The following HPR variants were observed in gnomAD, a reference collection of about 807,000 sequenced individuals.
HPR encodes Haptoglobin-related locus.
A neutral mutation model predicts 18.5 loss-of-function variants in HPR; 17 were observed. The observed-to-expected ratio is 0.92, with a 90% CI of 0.63 to 1.38. The LOEUF (loss-of-function observed/expected upper bound fraction) is 1.38, where lower values mean the gene tolerates loss of function less well. HPR is among the 40% of genes most tolerant of loss of function. The pLI is 0.00. For synonymous variants in HPR, 176 were observed against 165.0 expected (o/e 1.07, Z -0.51); for missense variants, 457 against 432.4 (o/e 1.06, Z -0.51).
intron 1 of HPR, among the ~76,000 whole-genome samples, chr16:72,064,161 C>T (rs2041573269): frequency 6.6e-6 from 1 of 152,184 alleles, no homozygotes; most frequent in South Asian, 2.1e-4. Flanking sequence ...TTTCAGACAC[C>T]AGTTCTCTTC....
Position 72,076,883 on chromosome 16 carries a change from C to A in HPR, c.849C>A (p.Val283=). The change falls in exon 5 of 5, where the codon GTC becomes GTA. Residue 283 remains valine, a synonymous_variant. Transcript: ENST00000540303. Reference sequence around the variant, plus strand: ...TACTGAACGAACACACCTTCTGTGTCGGCATGTCTAAGTACCAGGAAGACA... The same window carrying A: ...TACTGAACGAACACACCTTCTGTGTAGGCATGTCTAAGTACCAGGAAGACA... The part of the protein sequence containing the change: ...QPILNEHTFC[V]GMSKYQEDTC... 1 of 1,614,172 alleles carries A rather than the reference C, an allele frequency of 6.2e-7. No homozygotes were observed. The highest frequency in any genetic ancestry group is 1.1e-5 in the South Asian group (1 of 91,070).
In HPR at chr16:72,077,148, G is replaced by A; in HGVS notation, c.*67G>A. ...AGCCTGGAAGAGGGCAAAGTGGACG[G>A]GAGTGGACAGGAGTGGATGCGATAA... On this transcript the variant is annotated 3_prime_UTR_variant, in exon 5 of 5. Transcript: ENST00000540303. The A allele has an allele frequency of 6.8e-7, 1 of 1,463,458 alleles. No individual in the cohort carries two copies. Among genetic ancestry groups the A allele is most frequent in the Non-Finnish European group, 9.3e-7 (1 of 1,075,086 alleles). The allele number at this position is 1,463,458 out of a possible 1,614,324, so 90.7% of individuals were successfully genotyped here. A position where few individuals can be genotyped will look rare whatever the true frequency, so the allele number is the denominator to read the frequency against.
In HPR at chr16:72,076,977, G is replaced by T; in HGVS notation, c.943G>T (p.Gly315Trp). ...GGAGGAGGACACCTGGTACGCGGCTGGGATCCTAAGCTTTGATAAGAGCTG... is the reference window on the plus strand; with the variant it reads ...GGAGGAGGACACCTGGTACGCGGCTTGGATCCTAAGCTTTGATAAGAGCTG... ...DLEEDTWYAAGILSFDKSCAV... is the reference protein window; with the variant it reads ...DLEEDTWYAAWILSFDKSCAV... The change falls in exon 5 of 5, where the codon GGG (glycine) becomes TGG (tryptophan). Residue 315 changes from glycine (G) to tryptophan (W), a missense_variant. Gly to Trp is a radical substitution (Grantham distance 184). Transcript: ENST00000540303. 6.2e-7 allele frequency: 1 copy of T among 1,614,200 alleles called. No individual in the cohort carries two copies. The highest frequency in any genetic ancestry group is 8.5e-7 in the Non-Finnish European group (1 of 1,180,040).
At chr16:72,074,134 C>A in intron 2 of HPR, 150 bp from the exon 3 acceptor site, 2 of 1,245,050 alleles carry the variant, frequency 1.6e-6, no homozygotes, top group Admixed American at 1.9e-5. Flanking sequence ...GGGGATCCTG[C>A]CAGAAATGAG....
rs2041699508 is a variant in HPR, at chr16:72,074,769, T to A, written c.194-376T>A. On this transcript the variant is annotated intron_variant, in intron 3 of 4. Transcript: ENST00000540303. ...TATTTGCTCACTTAGTCCTTACAGTTTCCCACTGAATAGAGGTTATTATTC... is the reference window on the plus strand; with the variant it reads ...TATTTGCTCACTTAGTCCTTACAGTATCCCACTGAATAGAGGTTATTATTC... The A allele has an allele frequency of 5.8e-6, 4 of 690,244 alleles. No individual in the cohort carries two copies. In the South Asian group the frequency reaches 6.2e-5, roughly 11 times the overall value. The allele number at this position is 690,244 out of a possible 1,614,324, so 42.8% of individuals were successfully genotyped here. A position where few individuals can be genotyped will look rare whatever the true frequency, so the allele number is the denominator to read the frequency against.
rs141659098 is a variant in HPR, at chr16:72,072,958, C to G, written c.6-934C>G. ...TTTCAAGGCCAGACTTCCTTACTCT[C>G]TGTGTTCTCCCTGCGCTGGTAAACA... On this transcript the variant is annotated intron_variant, in intron 1 of 4. Coordinates refer to ENST00000540303, the MANE Select transcript of HPR (RefSeq NM_020995.4). 3.8e-3 allele frequency among the ~76,000 whole-genome samples: 577 copies of G among 152,270 alleles called. 1 individual carries two copies. The highest frequency in any genetic ancestry group is 9.5e-3 in the Admixed American group (146 of 15,294).
intron 2 of HPR, 32 bp downstream of exon 2, chr16:72,074,009 C>T: frequency 6.2e-7 from 1 of 1,613,424 alleles, no homozygotes; most frequent in South Asian, 1.1e-5. Flanking sequence ...GAGCATGCAT[C>T]CCTGGCACTG....
intron 1 of HPR, among the ~76,000 whole-genome samples, chr16:72,063,650 C>T (rs1461640124): frequency 3.3e-5 from 5 of 152,122 alleles, no homozygotes; most frequent in Non-Finnish European, 7.4e-5. Flanking sequence ...TTGACTAGTA[C>T]TTGGGATACA....
chr16:72,075,149 A>G lies in HPR; in HGVS notation c.198A>G (p.Val66=). The G allele has an allele frequency of 3.2e-6, 4 of 1,242,106 alleles. No homozygotes were observed. In the South Asian group the frequency reaches 5.1e-5, roughly 16 times the overall value. 76.9% of individuals were successfully genotyped at this position (1,242,106 alleles called of 1,614,324 possible). The change falls in exon 4 of 5, where the codon GTA becomes GTG. Residue 66 remains valine (V), a synonymous_variant. Transcript: ENST00000540303. The part of the protein sequence containing the change: ...YYRLRTEGDG[V]YTLNDKKQWI... ...ATTTCTTGCCTTTTGTTTCAGGAGTATACACCTTAAATGATAAGAAGCAGT... is the reference window on the plus strand; with the variant it reads ...ATTTCTTGCCTTTTGTTTCAGGAGTGTACACCTTAAATGATAAGAAGCAGT...
Position 72,063,241 on chromosome 16 carries a change from G to T in HPR, c.-15G>T, listed in dbSNP as rs767511387. On this transcript the variant is annotated 5_prime_UTR_variant, in exon 1 of 5. Transcript: ENST00000540303. Reference sequence around the variant, plus strand: ...GCCCCACAGCACTGCTCTTCCAGAGGCAAGACCAACCAAGATGAGGTGGGT... The same window carrying T: ...GCCCCACAGCACTGCTCTTCCAGAGTCAAGACCAACCAAGATGAGGTGGGT... 5 of 1,592,036 alleles carry T rather than the reference G, an allele frequency of 3.1e-6. No homozygotes were observed. In the Admixed American group the frequency reaches 8.6e-5, roughly 27 times the overall value.
intron 3 of HPR, chr16:72,074,613 C>G: frequency 1.4e-6 from 1 of 716,542 alleles, no homozygotes; most frequent in Non-Finnish European, 2.6e-6. Flanking sequence ...TGCCATGCAG[C>G]CTACCTCATG....
In HPR at chr16:72,074,015, C is replaced by T. The variant is rs761000175; in HGVS notation, c.91+38C>T. 22 of 1,612,492 alleles carry T rather than the reference C, an allele frequency of 1.4e-5. No individual in the cohort carries two copies. In the South Asian group the frequency reaches 2.1e-4, roughly 15 times the overall value. On this transcript the variant is annotated intron_variant, in intron 2 of 4. Transcript: ENST00000540303. ...GTTGGGTAGGAGCATGCATCCCTGGCACTGCCACATCCCACTCTGACTCTC... is the reference window on the plus strand; with the variant it reads ...GTTGGGTAGGAGCATGCATCCCTGGTACTGCCACATCCCACTCTGACTCTC...
At chr16:72,065,135 G>A (rs544543670) in intron 1 of HPR, among the ~76,000 whole-genome samples, 1 of 152,258 alleles carries the variant, frequency 6.6e-6, no homozygotes, top group East Asian at 1.9e-4. Context: ...TACCTCATAC[G>A]GCTTAGCCTT....
chr16:72,070,588 A>C (rs2041644360), intron 1 of HPR, among the ~76,000 whole-genome samples: 1 of 152,134 alleles, frequency 6.6e-6, no homozygotes, highest in African/African-American at 2.4e-5. Context: ...ACCCCAACCA[A>C]ATTAACTCTA....
intron 1 of HPR, 54 bp from the exon 2 acceptor site, chr16:72,073,838 G>A: frequency 6.2e-7 from 1 of 1,612,340 alleles, no homozygotes; most frequent in Non-Finnish European, 8.5e-7. Context: ...ATGCATGCAT[G>A]TGCTGTGAAG....
In HPR at chr16:72,075,036, GCCT is replaced by G. The variant is rs2041703229; in HGVS notation, c.194-105_194-103del. ...CTCTCTCCTTTCTCCCTTCCTGTCT[GCCT>G]CCTTTCTTCTTCTTCTTTTTAATTC... On this transcript the variant is annotated intron_variant, in intron 3 of 4. Coordinates refer to ENST00000540303, the MANE Select transcript of HPR (RefSeq NM_020995.4). The G allele has an allele frequency of 3.5e-6, 4 of 1,142,220 alleles. No homozygotes were observed. The African/African-American group carries it at 5.9e-5, about 17-fold the overall frequency. The allele number at this position is 1,142,220 out of a possible 1,614,324, so 70.8% of individuals were successfully genotyped here.
In HPR at chr16:72,066,049, TA is replaced by T. The variant is rs2041594710; in HGVS notation, c.5+2793del. 2.0e-5 allele frequency among the ~76,000 whole-genome samples: 3 copies of T among 152,276 alleles called. No homozygotes were observed. The South Asian group carries it at 6.2e-4, about 32-fold the overall frequency. ...CATTGCCAACCTAAATATCCTTCCT[TA>T]AAAGGGCTCCAACATGAAATAGAGC... On this transcript the variant is annotated intron_variant, in intron 1 of 4. Transcript: ENST00000540303.
chr16:72,075,451 G>A (rs990621614), intron 4 of HPR, among the ~76,000 whole-genome samples: 22 of 152,218 alleles, frequency 1.4e-4, no homozygotes, highest in Admixed American at 3.3e-4. Flanking sequence ...ATCCACTGTC[G>A]GCATTGCCCA....
chr16:72,075,836 T>TC (rs1042215322), intron 4 of HPR, among the ~76,000 whole-genome samples: 4 of 150,344 alleles, frequency 2.7e-5, no homozygotes, highest in Non-Finnish European at 5.9e-5. Flanking sequence ...TTTCTTTCTT[T>TC]TTTTTTTTTT....
Sources: allele counts gnomAD v4.1 joint callset (sites outside exome capture counted in the v4.1 genomes callset), GRCh38; gene constraint gnomAD v4.1.1; transcripts MANE v1.5; gene names NCBI Gene and HGNC (gene_info 2026-07-23, HGNC 2026-07-21).